The following SLC16A5 variants were observed in gnomAD, a reference collection of about 807,000 sequenced individuals.
SLC16A5 encodes monocarboxylate transporter 6.
In SLC16A5, 29 loss-of-function variants were observed where a neutral mutation model predicts 33.2. That is an observed-to-expected ratio of 0.87 (90% CI 0.65 to 1.19). The LOEUF (loss-of-function observed/expected upper bound fraction) is 1.19. SLC16A5 is among the 50% of genes most tolerant of loss of function. The pLI is 0.00. For missense variants in SLC16A5, 606 were observed against 678.2 expected (o/e 0.89, Z 1.18); for synonymous variants, 248 against 284.1 (o/e 0.87, Z 1.28).
In SLC16A5 at chr17:75,092,479, C is replaced by A. The variant is rs2073652882; in HGVS notation, c.-48-1110C>A. 3.3e-5 allele frequency among the ~76,000 whole-genome samples: 5 copies of A among 151,952 alleles called. No homozygotes were observed. In the South Asian group the frequency reaches 8.3e-4, roughly 25 times the overall value. ...TCAAGCGATTCTCCTGCCTCAGCCTCCCGAGTAGCTGGGATTTTTGTATGT... is the reference window on the plus strand; with the variant it reads ...TCAAGCGATTCTCCTGCCTCAGCCTACCGAGTAGCTGGGATTTTTGTATGT... On this transcript the variant is annotated intron_variant, in intron 2 of 6. Coordinates refer to ENST00000329783, the MANE Select transcript of SLC16A5 (RefSeq NM_004695.4).
chr17:75,104,193 C>T lies in SLC16A5; in HGVS notation c.1364+13C>T, dbSNP rs751765893. On this transcript the variant is annotated intron_variant, in intron 6 of 6. Coordinates refer to ENST00000329783, the MANE Select transcript of SLC16A5 (RefSeq NM_004695.4). Reference sequence around the variant, plus strand: ...CCCCTGAGATCATGTATGTAACCAGCGTCTAAGACCCAGGGTTCATCTGTG... The same window carrying T: ...CCCCTGAGATCATGTATGTAACCAGTGTCTAAGACCCAGGGTTCATCTGTG... 1.7e-5 allele frequency: 28 copies of T among 1,613,182 alleles called. No individual in the cohort carries two copies. Among genetic ancestry groups the T allele is most frequent in the Non-Finnish European group, 2.4e-5 (28 of 1,179,678 alleles).
chr17:75,105,750 CGTTTCCCCT>C (rs1568010648), intron 6 of SLC16A5, 121 bp from the exon 7 acceptor site: 1 of 1,412,996 alleles, frequency 7.1e-7, no homozygotes, highest in Admixed American at 2.9e-5. Context: ...AGCTGGAGTA[CGTTTCCCCT>C]CACCCTTCCT....
At position 75,100,452 on chromosome 17, in the gene SLC16A5, C is replaced by T; in HGVS notation, c.789C>T (p.Ala263=). Residue 263 remains alanine, a synonymous_variant, in exon 5 of 7, where the codon GCC becomes GCT. Transcript: ENST00000329783. ...PLPQVFLVPY[A]MWHSVDEQQA... is the part of the protein sequence containing the mutation. ...CACAAGTCTTCCTGGTGCCATATGC[C>T]ATGTGGCACAGCGTGGACGAGCAGC... 6.2e-7 allele frequency: 1 copy of T among 1,614,258 alleles called. No individual in the cohort carries two copies. Among genetic ancestry groups the T allele is most frequent in the African/African-American group, 1.3e-5 (1 of 75,064 alleles).
intron 6 of SLC16A5, 130 bp downstream of exon 6, chr17:75,104,310 G>A: frequency 6.7e-7 from 1 of 1,484,544 alleles, no homozygotes; most frequent in Non-Finnish European, 9.0e-7. Context: ...AGGGGCTTGG[G>A]TGAAGAGTAG....
chr17:75,096,058 GC>G (rs1345215727), intron 3 of SLC16A5, among the ~76,000 whole-genome samples: 9 of 151,786 alleles, frequency 5.9e-5, no homozygotes, highest in African/African-American at 1.9e-4. Context: ...ACCTGCCTGG[GC>G]CTCTCAAAAT....
At chr17:75,109,989 G>A, downstream of SLC16A5, 1 of 342,400 alleles carries the variant, frequency 2.9e-6, no homozygotes, top group Non-Finnish European at 5.4e-6. The surrounding 1 kb of genome is among the most constrained non-coding windows in gnomAD (Gnocchi z 5.0). Flanking sequence ...CCAGGAGCCG[G>A]GGACGGTGCG....
At chr17:75,092,830 T>A (rs201729487) in intron 2 of SLC16A5, among the ~76,000 whole-genome samples, 9 of 118,176 alleles carry the variant, frequency 7.6e-5, no homozygotes, top group East Asian at 4.5e-4. Flanking sequence ...TGCGTGTGTG[T>A]GTGTGTGTGT....
chr17:75,098,197 T>G lies in SLC16A5; in HGVS notation c.343+16T>G. On this transcript the variant is annotated intron_variant, in intron 4 of 6. Coordinates refer to ENST00000329783, the MANE Select transcript of SLC16A5 (RefSeq NM_004695.4). ...TTCATCACAGGTGACTATCACTTCA[T>G]CTCCAGAATTTATAGGCACCTGCTA... The G allele has an allele frequency of 6.2e-7, 1 of 1,611,386 alleles. No homozygotes were observed. Among genetic ancestry groups the G allele is most frequent in the Admixed American group, 1.7e-5 (1 of 59,578 alleles).
downstream of SLC16A5, chr17:75,106,229 AC>A: frequency 2.4e-6 from 1 of 413,554 alleles, no homozygotes; most frequent in South Asian, 5.0e-5. Context: ...GAGCATCCTG[AC>A]GACTCCATTT....
intron 4 of SLC16A5, 102 bp downstream of exon 4, chr17:75,098,283 C>T: frequency 6.7e-7 from 1 of 1,489,102 alleles, no homozygotes; most frequent in Admixed American, 2.0e-5. Context: ...GAACTGCTGG[C>T]TGGGTGCGGT....
chr17:75,097,482 G>GT (rs1485776317), intron 3 of SLC16A5, among the ~76,000 whole-genome samples: 2 of 149,964 alleles, frequency 1.3e-5, no homozygotes, highest in Admixed American at 6.7e-5. Context: ...GCAGAGGCCA[G>GT]TGCAAGGAGG....
At chr17:75,102,737 CTTT>C (rs757384392) in intron 5 of SLC16A5, among the ~76,000 whole-genome samples, 2 of 145,722 alleles carry the variant, frequency 1.4e-5, no homozygotes, top group African/African-American at 2.5e-5. Flanking sequence ...ATTCTTTTTT[CTTT>C]TTTTTTTTTT....
chr17:75,093,621 G>A lies in SLC16A5; in HGVS notation c.-16G>A, dbSNP rs1236795206. 2.5e-6 allele frequency: 4 copies of A among 1,601,790 alleles called. No individual in the cohort carries two copies. The highest frequency in any genetic ancestry group is 1.7e-4 in the Middle Eastern group (1 of 6,036). On this transcript the variant is annotated 5_prime_UTR_variant, in exon 3 of 7. Coordinates refer to ENST00000329783, the MANE Select transcript of SLC16A5 (RefSeq NM_004695.4). ...CCACATTGGCAGTGAGGCCGTGGCA[G>A]CGTCGGCAGCAGAGGATGCCCCAGG... is the stretch of plus-strand genomic sequence containing the variant.
chr17:75,103,921 T>G, intron 5 of SLC16A5, 49 bp from the exon 6 acceptor site: 2 of 1,543,004 alleles, frequency 1.3e-6, no homozygotes, highest in East Asian at 2.3e-5. Flanking sequence ...CACAGCTGAG[T>G]TGGGGGGAGG....
At chr17:75,105,390 A>C in intron 6 of SLC16A5, 7 of 985,416 alleles carry the variant, frequency 7.1e-6, no homozygotes, top group South Asian at 9.4e-5. Context: ...GACTGTTGTG[A>C]AAATGGGGCT....
downstream of SLC16A5, among the ~76,000 whole-genome samples, chr17:75,109,639 G>A (rs1416482222): frequency 1.3e-5 from 2 of 152,244 alleles, no homozygotes; most frequent in South Asian, 2.1e-4. The surrounding 1 kb of genome is among the most constrained non-coding windows in gnomAD (Gnocchi z 5.0). Context: ...GGGGACCGGC[G>A]GGAGAGTGGG....
At position 75,100,690 on chromosome 17, in the gene SLC16A5, A is replaced by C. The variant is rs2073784101; in HGVS notation, c.1027A>C (p.Ser343Arg). Residue 343 changes from serine (S) to arginine (R), a missense_variant, in exon 5 of 7, where the codon AGT becomes CGT. By Grantham distance (110) the Ser-to-Arg change is moderately radical. Coordinates refer to ENST00000329783, the MANE Select transcript of SLC16A5 (RefSeq NM_004695.4). Reference sequence around the variant, plus strand: ...CTGCCTGGCGTACAGCGTGTCCATGAGTGGCATCGGCGCCCTCATCTTCCA... The same window carrying C: ...CTGCCTGGCGTACAGCGTGTCCATGCGTGGCATCGGCGCCCTCATCTTCCA... ...GYCLAYSVSM[S>R]GIGALIFQVL... 1 of 1,614,030 alleles carries C rather than the reference A, an allele frequency of 6.2e-7. No homozygotes were observed. Among genetic ancestry groups the C allele is most frequent in the African/African-American group, 1.3e-5 (1 of 74,910 alleles).
intron 6 of SLC16A5, chr17:75,104,543 C>G (rs780494504): frequency 1.1e-6 from 1 of 896,730 alleles, no homozygotes; most frequent in South Asian, 3.1e-5. Context: ...CCTCTGCCCC[C>G]CAAGTTCAAG....
rs191550736 is a variant in SLC16A5 at position 75,093,387 on chromosome 17, G to C, written c.-48-202G>C. 43 of 1,534,768 alleles carry C rather than the reference G, an allele frequency of 2.8e-5. No homozygotes were observed. In the Admixed American group the frequency reaches 5.1e-4, roughly 18 times the overall value. On this transcript the variant is annotated intron_variant, in intron 2 of 6. Coordinates refer to ENST00000329783, the MANE Select transcript of SLC16A5 (RefSeq NM_004695.4). The stretch of plus-strand genomic sequence containing the variant: ...TGTCCTTCCTGCCACCTCCTGCCAG[G>C]CTGGCTCTGGGAAGTGGGTGAAAGG...
Sources: gnomAD v4.1 joint callset for allele counts (sites outside exome capture counted in the v4.1 genomes callset) on GRCh38, gnomAD v4.1.1 for gene constraint, Gnocchi (gnomAD v3.1) non-coding constraint, MANE v1.5 for transcripts, NCBI Gene and HGNC (gene_info 2026-07-23, HGNC 2026-07-21) for gene names.